Variants in KLRB1 observed in about 807,000 individuals in gnomAD.
KLRB1 encodes the protein killer cell lectin like receptor B1.
A neutral mutation model predicts 33.5 loss-of-function variants in KLRB1; 27 were observed. That is an observed-to-expected ratio of 0.81 (90% confidence interval 0.59 to 1.11). The LOEUF (loss-of-function observed/expected upper bound fraction) is 1.11, where lower values mean the gene tolerates loss of function less well. Among genes scored for constraint, KLRB1 ranks in the 50% most tolerant of loss-of-function variants. KLRB1 has a pLI of 0.00. For missense variants in KLRB1, 241 were observed against 254.1 expected (o/e 0.95, Z 0.35); for synonymous variants, 64 against 88.9 (o/e 0.72, Z 1.58).
intron 3 of KLRB1, among the ~76,000 whole-genome samples, chr12:9,599,065 A>C (rs1416176145): frequency 6.6e-6 from 1 of 152,226 alleles, no homozygotes; most frequent in Non-Finnish European, 1.5e-5. Context: ...TATAAAACTC[A>C]TGTAAAAAGT....
intron 1 of KLRB1, among the ~76,000 whole-genome samples, chr12:9,607,339 T>C (rs111977725): frequency 0.053 from 3,202 of 60,684 alleles, 278 homozygotes; most frequent in South Asian, 0.1. Context: ...TTCTTTCCTT[T>C]CTTTCTTTCT....
At chr12:9,601,986 C>A (rs754416337) in intron 1 of KLRB1, among the ~76,000 whole-genome samples, 35 of 152,312 alleles carry the variant, frequency 2.3e-4, no homozygotes, top group African/African-American at 8.4e-4. Context: ...GGAAGACCTT[C>A]ATTTAGTCAA....
At position 9,599,816 on chromosome 12, in the gene KLRB1, T is replaced by C; in HGVS notation, c.210A>G (p.Ser70=). Residue 70 remains serine (S), a synonymous_variant, in exon 3 of 6, where the codon TCA becomes TCG. Transcript: ENST00000229402. ...GAATGTCCACACTGCATTTTTCTAT[T>C]GATGATTTCTGTATTAAGGATGTCA... ...VSVTSLIQKS[S]IEKCSVDIQQ... is the part of the protein sequence containing the mutation. 1 of 1,601,534 alleles carries C rather than the reference T, an allele frequency of 6.2e-7. No individual in the cohort carries two copies. Among genetic ancestry groups the C allele is most frequent in the Non-Finnish European group, 8.6e-7 (1 of 1,168,768 alleles).
intron 1 of KLRB1, among the ~76,000 whole-genome samples, chr12:9,606,758 A>ATTT (rs1285915836): frequency 1.2e-4 from 8 of 65,898 alleles, no homozygotes; most frequent in African/African-American, 2.7e-4. Context: ...ATATATATAT[A>ATTT]TATTTTTTTT....
At chr12:9,599,173 T>C (rs1351689453) in intron 3 of KLRB1, among the ~76,000 whole-genome samples, 1 of 152,246 alleles carries the variant, frequency 6.6e-6, no homozygotes, top group African/African-American at 2.4e-5. Context: ...AAATTTCCAA[T>C]TGCTAAACGA....
At chr12:9,602,880 A>G (rs1465136970) in intron 1 of KLRB1, among the ~76,000 whole-genome samples, 1 of 152,190 alleles carries the variant, frequency 6.6e-6, no homozygotes, top group Non-Finnish European at 1.5e-5. Context: ...TTAATGGTAC[A>G]GTATCCTTGA....
intron 3 of KLRB1, among the ~76,000 whole-genome samples, chr12:9,599,345 C>CT (rs1436422344): frequency 6.6e-6 from 1 of 152,156 alleles, no homozygotes; most frequent in African/African-American, 2.4e-5. Flanking sequence ...TGGAACAAGA[C>CT]TAATGTGGCT....
At position 9,601,531 on chromosome 12, in the gene KLRB1, CAAG is replaced by C; in HGVS notation, c.151_153del (p.Leu51del). 2 of 1,613,690 alleles carry C rather than the reference CAAG, an allele frequency of 1.2e-6. No homozygotes were observed. Among genetic ancestry groups the C allele is most frequent in the Non-Finnish European group, 1.7e-6 (2 of 1,179,664 alleles). ...ACACTCAACCCAGTAACAACCAAGACAAGGAGAATAATCCCAGCACAGCTAAGT... is the reference window on the plus strand; with the variant it reads ...ACACTCAACCCAGTAACAACCAAGACGAGAATAATCCCAGCACAGCTAAGT... On this transcript the variant is annotated inframe_deletion, in exon 2 of 6. Transcript: ENST00000229402.
At position 9,601,493 on chromosome 12, in the gene KLRB1, C is replaced by A. The variant is rs1864541287; in HGVS notation, c.184+8G>T. 6.3e-7 allele frequency: 1 copy of A among 1,588,996 alleles called. No individual in the cohort carries two copies. Among genetic ancestry groups the A allele is most frequent in the Admixed American group, 1.7e-5 (1 of 59,940 alleles). On this transcript the variant is annotated splice_region_variant and intron_variant, in intron 2 of 5. Transcript: ENST00000229402. ...GTATTATGAAACAGATGATGGTGCC[C>A]CACTTACCTGAAACACTCAACCCAG... is the stretch of plus-strand genomic sequence containing the variant.
intron 1 of KLRB1, among the ~76,000 whole-genome samples, chr12:9,605,041 A>C (rs1864584757): frequency 6.6e-6 from 1 of 152,086 alleles, no homozygotes; most frequent in South Asian, 2.1e-4. Flanking sequence ...CCCTGTGTCC[A>C]TGTGTTCTCA....
At chr12:9,600,863 C>T (rs940589061) in intron 2 of KLRB1, among the ~76,000 whole-genome samples, 2 of 151,758 alleles carry the variant, frequency 1.3e-5, no homozygotes, top group Non-Finnish European at 2.9e-5. Flanking sequence ...AAGACCTGAC[C>T]GTCCCCCAGC....
At chr12:9,607,355 C>CCTTCCTTCCTTTCTTTCTTTCTTT (rs1864625911) in intron 1 of KLRB1, among the ~76,000 whole-genome samples, 1 of 52,706 alleles carries the variant, frequency 1.9e-5, no homozygotes, top group African/African-American at 5.2e-5. Context: ...TTTCTTTCTT[C>CCTTCCTTCCTTTCTTTCTTTCTTT]CTTTCTTTCT....
intron 5 of KLRB1, 72 bp downstream of exon 5, chr12:9,597,974 C>G: frequency 5.6e-6 from 4 of 712,662 alleles, no homozygotes; most frequent in Non-Finnish European, 7.1e-6. Context: ...AAAACTCAAT[C>G]TTCAGTGTTA....
chr12:9,596,336 C>A (rs1195740548), intron 5 of KLRB1, among the ~76,000 whole-genome samples: 1 of 152,130 alleles, frequency 6.6e-6, no homozygotes, highest in Admixed American at 6.6e-5. Context: ...TCTCTTCCAC[C>A]CTTTTAATTG....
In KLRB1 at chr12:9,601,534, G is replaced by A. The variant is rs1864542021; in HGVS notation, c.151C>T (p.Leu51Phe). 1 of 1,613,620 alleles carries A rather than the reference G, an allele frequency of 6.2e-7. No individual in the cohort carries two copies. The part of the protein sequence containing the change: ...LKLSCAGIIL[L>F]VLVVTGLSVS... ...CTCAACCCAGTAACAACCAAGACAA[G>A]GAGAATAATCCCAGCACAGCTAAGT... The change falls in exon 2 of 6, where the codon CTT becomes TTT. Residue 51 changes from leucine (L) to phenylalanine (F), a missense_variant. By Grantham distance (22) the Leu-to-Phe change is conservative. Coordinates refer to ENST00000229402, the MANE Select transcript of KLRB1 (RefSeq NM_002258.3).
rs200381621 is a variant in KLRB1, at chr12:9,607,332, T to TTTCCTTCCTTCC, written c.85+422_85+423insGGAAGGAAGGAA. On this transcript the variant is annotated intron_variant, in intron 1 of 5. Coordinates refer to ENST00000229402, the MANE Select transcript of KLRB1 (RefSeq NM_002258.3). ...TTCTTTCTTCTTTTCTTTCTCTTTC[T>TTTCCTTCCTTCC]TTCCTTTCTTTCTTTCTTTCTTCCT... 6.0e-3 allele frequency among the ~76,000 whole-genome samples: 354 copies of TTTCCTTCCTTCC among 58,542 alleles called. 3 individuals carry two copies. Among genetic ancestry groups the TTTCCTTCCTTCC allele is most frequent in the South Asian group, 0.018 (20 of 1,116 alleles). 38.4% of individuals were successfully genotyped at this position (58,542 alleles called of 152,430 possible).
intron 4 of KLRB1, 24 bp downstream of exon 4, chr12:9,598,475 A>G (rs1265610595): frequency 1.3e-6 from 2 of 1,588,174 alleles, no homozygotes. Context: ...AAGTTTTATT[A>G]AGGTATTTTA....
In KLRB1 at chr12:9,595,311, A is replaced by C. The variant is rs371875963; in HGVS notation, c.641T>G (p.Leu214Arg). Residue 214 changes from leucine to arginine, a missense_variant, in exon 6 of 6, where the codon CTA becomes CGA. Coordinates refer to ENST00000229402, the MANE Select transcript of KLRB1 (RefSeq NM_002258.3). Reference protein sequence around the residue: ...TEIRWICQKELTPVRNKVYPD... With the variant: ...TEIRWICQKERTPVRNKVYPD... ...ATACACTTTATTTCTCACAGGTGTT[A>C]GTTCTTTTTGGCAGATCCATCTGAT... 33 of 1,613,310 alleles carry C rather than the reference A, an allele frequency of 2.0e-5. No homozygotes were observed. In the African/African-American group the frequency reaches 4.1e-4, roughly 20 times the overall value.
chr12:9,598,277 T>C, intron 4 of KLRB1, 116 bp from the exon 5 acceptor site: 1 of 763,628 alleles, frequency 1.3e-6, no homozygotes, highest in Non-Finnish European at 2.2e-6. Flanking sequence ...TCGTCAGCAT[T>C]AATTATTCCT....
Sources: allele counts gnomAD v4.1 joint callset (sites outside exome capture counted in the v4.1 genomes callset), GRCh38; gene constraint gnomAD v4.1.1; transcripts MANE v1.5; gene names NCBI Gene and HGNC (gene_info 2026-07-23, HGNC 2026-07-21).